Variants in NUBP1 observed in about 807,000 individuals in gnomAD.
NUBP1 encodes the protein cytosolic Fe-S cluster assembly factor NUBP1.
A neutral mutation model predicts 41.8 loss-of-function variants in NUBP1; 46 were observed. The observed-to-expected ratio is 1.10, with a 90% confidence interval of 0.87 to 1.41. The LOEUF (loss-of-function observed/expected upper bound fraction) is 1.41. Among genes scored for constraint, NUBP1 ranks in the 40% most tolerant of loss-of-function variants. The pLI, the probability that NUBP1 is intolerant of heterozygous loss-of-function variation, is 0.00. For synonymous variants in NUBP1, 189 were observed against 154.6 expected (o/e 1.22, Z -1.65); for missense variants, 494 against 414.0 (o/e 1.19, Z -1.68).
chr16:10,758,667 C>T (rs962768141), intron 7 of NUBP1, among the ~76,000 whole-genome samples: 1 of 152,204 alleles, frequency 6.6e-6, no homozygotes, highest in African/African-American at 2.4e-5. Flanking sequence ...CCCCGTCAGC[C>T]TTGCCGTGTC....
At chr16:10,756,805 C>T (rs752310688) in intron 6 of NUBP1, 25 bp downstream of exon 6, 22 of 1,573,558 alleles carry the variant, frequency 1.4e-5, no homozygotes, top group Non-Finnish European at 1.8e-5. Flanking sequence ...CTTTTTTTGT[C>T]TCTCACATTC....
rs1347852170 is a variant in NUBP1 at position 10,767,593 on chromosome 16, A to C, written c.821-356A>C. 2 of 454,432 alleles carry C rather than the reference A, an allele frequency of 4.4e-6. No homozygotes were observed. The highest frequency in any genetic ancestry group is 2.0e-5 in the African/African-American group (1 of 50,072). 28.1% of individuals were successfully genotyped at this position (454,432 alleles called of 1,614,324 possible). A position where few individuals can be genotyped will look rare whatever the true frequency, so the allele number is the denominator to read the frequency against. ...GGCCTTTTATGCCATATCCTTTTGC[A>C]TTCTGTACTTTTTTTAACCATGTGC... On this transcript the variant is annotated intron_variant, in intron 9 of 10. Coordinates refer to ENST00000283027, the MANE Select transcript of NUBP1 (RefSeq NM_002484.4). This position sits in a 1 kb window ranked among gnomAD's most constrained non-coding sequence, Gnocchi z 4.6.
intron 3 of NUBP1, among the ~76,000 whole-genome samples, chr16:10,750,631 G>A (rs964044852): frequency 6.7e-6 from 1 of 149,680 alleles, no homozygotes; most frequent in Non-Finnish European, 1.5e-5. Context: ...CTGAGTGTGC[G>A]AGGCCCTCCT....
At position 10,768,283 on chromosome 16, in the gene NUBP1, G is replaced by T; in HGVS notation, c.904+251G>T. Reference sequence around the variant, plus strand: ...AAATACATCCCAATAAAGGGATAAAGTAATTCATTTTTAAAAGTAACTGAT... The same window carrying T: ...AAATACATCCCAATAAAGGGATAAATTAATTCATTTTTAAAAGTAACTGAT... On this transcript the variant is annotated intron_variant, in intron 10 of 10. Coordinates refer to ENST00000283027, the MANE Select transcript of NUBP1 (RefSeq NM_002484.4). This position sits in a 1 kb window ranked among gnomAD's most constrained non-coding sequence, Gnocchi z 4.3. The T allele has an allele frequency of 2.4e-5, 6 of 250,706 alleles. No homozygotes were observed. Among genetic ancestry groups the T allele is most frequent in the East Asian group, 7.7e-5 (1 of 12,962 alleles). 15.5% of individuals were successfully genotyped at this position (250,706 alleles called of 1,614,324 possible).
intron 7 of NUBP1, among the ~76,000 whole-genome samples, chr16:10,758,858 G>A (rs1900750127): frequency 6.6e-6 from 1 of 152,164 alleles, no homozygotes; most frequent in African/African-American, 2.4e-5. Flanking sequence ...GTCACCTAGT[G>A]GCTGTACTCC....
intron 8 of NUBP1, 32 bp downstream of exon 8, chr16:10,761,506 G>T (rs1040345593): frequency 3.2e-6 from 5 of 1,562,558 alleles, no homozygotes; most frequent in Admixed American, 1.7e-5. Flanking sequence ...AGGCGAGCAA[G>T]ATCTTGCTCT....
In NUBP1 at chr16:10,768,006, C is replaced by T. The variant is rs368639034; in HGVS notation, c.878C>T (p.Thr293Met). Residue 293 changes from threonine (T) to methionine (M), a missense_variant, in exon 10 of 11, where the codon ACG becomes ATG. Coordinates refer to ENST00000283027, the MANE Select transcript of NUBP1 (RefSeq NM_002484.4). This position sits in a 1 kb window ranked among gnomAD's most constrained non-coding sequence, Gnocchi z 4.3. ...FFIDAPDSPA[T>M]LAYRSIIQRI... is the part of the protein sequence containing the mutation. ...ATTGACGCCCCAGATTCCCCAGCCA[C>T]GTTAGCCTACAGAAGTATAATTCAG... 5.0e-6 allele frequency: 8 copies of T among 1,614,080 alleles called. No individual in the cohort carries two copies. Among genetic ancestry groups the T allele is most frequent in the South Asian group, 4.4e-5 (4 of 91,078 alleles).
At position 10,761,749 on chromosome 16, in the gene NUBP1, C is replaced by T. The variant is rs1192138137; in HGVS notation, c.718-8C>T. On this transcript the variant is annotated splice_polypyrimidine_tract_variant and splice_region_variant and intron_variant, in intron 8 of 10. Coordinates refer to ENST00000283027, the MANE Select transcript of NUBP1 (RefSeq NM_002484.4). ...TTATGTTTCCTCCCCTTTGAATTTG[C>T]CTTGCAGAAAGAATCTCAGATATTC... 2.5e-6 allele frequency: 4 copies of T among 1,608,450 alleles called. No individual in the cohort carries two copies. The East Asian group carries it at 8.9e-5, about 36-fold the overall frequency.
At position 10,757,862 on chromosome 16, in the gene NUBP1, C is replaced by T. The variant is rs775140832; in HGVS notation, c.452-11C>T. On this transcript the variant is annotated splice_polypyrimidine_tract_variant and intron_variant, in intron 6 of 10. Coordinates refer to ENST00000283027, the MANE Select transcript of NUBP1 (RefSeq NM_002484.4). The surrounding 1 kb of genome is among the most constrained non-coding windows in gnomAD (Gnocchi z 4.1). ...GAAAAGTAAGCATCCCCTGTGGATT[C>T]CTCTTTCTAGGCATGATCAAGCAGT... The T allele has an allele frequency of 8.7e-6, 14 of 1,608,800 alleles. No homozygotes were observed. Among genetic ancestry groups the T allele is most frequent in the Admixed American group, 6.7e-5 (4 of 59,846 alleles).
At chr16:10,750,541 C>G (rs886295510) in intron 3 of NUBP1, among the ~76,000 whole-genome samples, 1 of 152,248 alleles carries the variant, frequency 6.6e-6, no homozygotes, top group East Asian at 1.9e-4. Context: ...CACACCCAGC[C>G]ACCATAAATT....
rs753710460 is a variant in NUBP1, at chr16:10,744,071, A to G, written c.124+6A>G. ...GGGGGCCACTCCGGACACGGGTGAG[A>G]AAAGGGCAAGGCCTCAACAGGAACT... On this transcript the variant is annotated splice_donor_region_variant and intron_variant, in intron 2 of 10. Transcript: ENST00000283027. 9 of 1,572,510 alleles carry G rather than the reference A, an allele frequency of 5.7e-6. No individual in the cohort carries two copies. The highest frequency in any genetic ancestry group is 3.6e-4 in the Middle Eastern group (2 of 5,484).
chr16:10,751,937 T>G (rs1396395139), intron 3 of NUBP1, among the ~76,000 whole-genome samples: 2 of 152,210 alleles, frequency 1.3e-5, no homozygotes, highest in Non-Finnish European at 2.9e-5. Context: ...CCCTGCTTAT[T>G]GAACTGGTCC....
rs564915119 is a variant in NUBP1 at position 10,753,314 on chromosome 16, C to T, written c.327+636C>T. 5.3e-5 allele frequency among the ~76,000 whole-genome samples: 8 copies of T among 152,284 alleles called. No homozygotes were observed. In the East Asian group the frequency reaches 7.7e-4, roughly 15 times the overall value. ...ACGGAAATTTAGCTCTGACTGGGAA[C>T]ATTAGACCAGGGCTTGCTATGGGTC... On this transcript the variant is annotated intron_variant, in intron 4 of 10. Coordinates refer to ENST00000283027, the MANE Select transcript of NUBP1 (RefSeq NM_002484.4).
chr16:10,764,529 C>G (rs1030236742), intron 9 of NUBP1, among the ~76,000 whole-genome samples: 1 of 149,656 alleles, frequency 6.7e-6, no homozygotes, highest in African/African-American at 2.5e-5. Flanking sequence ...ATTGGAGCAT[C>G]TCATTCTGCT....
chr16:10,765,037 C>A lies in NUBP1; in HGVS notation c.821-2912C>A, dbSNP rs971583607. On this transcript the variant is annotated intron_variant, in intron 9 of 10. Coordinates refer to ENST00000283027, the MANE Select transcript of NUBP1 (RefSeq NM_002484.4). This position sits in a 1 kb window ranked among gnomAD's most constrained non-coding sequence, Gnocchi z 4.0. ...CCCAGAAGCGTGCCTGCCCGAGTGC[C>A]ATGCTCGTCTCAGTCACTAGCTAGG... The A allele has an allele frequency of 6.4e-6, 1 of 156,778 alleles. No homozygotes were observed. Among genetic ancestry groups the A allele is most frequent in the African/African-American group, 2.4e-5 (1 of 41,456 alleles). 9.7% of individuals were successfully genotyped at this position (156,778 alleles called of 1,614,324 possible).
chr16:10,768,813 C>A lies in NUBP1; in HGVS notation c.905-234C>A. 1 of 436,222 alleles carries A rather than the reference C, an allele frequency of 2.3e-6. No individual in the cohort carries two copies. Among genetic ancestry groups the A allele is most frequent in the Non-Finnish European group, 4.1e-6 (1 of 246,664 alleles). 27.0% of individuals were successfully genotyped at this position (436,222 alleles called of 1,614,324 possible). A position where few individuals can be genotyped will look rare whatever the true frequency, so the allele number is the denominator to read the frequency against. ...GGTAAGGAAACAGCATTCCCAGAAT[C>A]CTCCATCTATAGATGGTCCGAGGAA... On this transcript the variant is annotated intron_variant, in intron 10 of 10. Transcript: ENST00000283027. The surrounding 1 kb of genome is among the most constrained non-coding windows in gnomAD (Gnocchi z 4.3).
chr16:10,744,080 A>G lies in NUBP1; in HGVS notation c.124+15A>G, dbSNP rs1257526862. On this transcript the variant is annotated intron_variant, in intron 2 of 10. Transcript: ENST00000283027. ...TCCGGACACGGGTGAGAAAAGGGCA[A>G]GGCCTCAACAGGAACTTAGAGGCGC... 1 of 1,505,330 alleles carries G rather than the reference A, an allele frequency of 6.6e-7. No individual in the cohort carries two copies. The highest frequency in any genetic ancestry group is 8.9e-7 in the Non-Finnish European group (1 of 1,125,736). The allele number at this position is 1,505,330 out of a possible 1,614,324, so 93.2% of individuals were successfully genotyped here. A position where few individuals can be genotyped will look rare whatever the true frequency, so the allele number is the denominator to read the frequency against.
At chr16:10,750,943 A>G (rs1900288133) in intron 3 of NUBP1, among the ~76,000 whole-genome samples, 1 of 152,148 alleles carries the variant, frequency 6.6e-6, no homozygotes, top group Non-Finnish European at 1.5e-5. Flanking sequence ...ACGCAGGCGC[A>G]TTGCTCTCAG....
intron 9 of NUBP1, among the ~76,000 whole-genome samples, chr16:10,764,232 G>T (rs2030492281): frequency 6.6e-6 from 1 of 152,198 alleles, no homozygotes; most frequent in Non-Finnish European, 1.5e-5. Context: ...CTCAGCCCAT[G>T]GGAGCATCTT....
Sources: gnomAD v4.1 joint callset for allele counts (sites outside exome capture counted in the v4.1 genomes callset) on GRCh38, gnomAD v4.1.1 for gene constraint, Gnocchi (gnomAD v3.1) non-coding constraint, MANE v1.5 for transcripts, NCBI Gene and HGNC (gene_info 2026-07-23, HGNC 2026-07-21) for gene names.